Variants in TRIM52 observed in about 807,000 individuals in gnomAD.
TRIM52 encodes the protein E3 ubiquitin-protein ligase TRIM52.
A neutral mutation model predicts 27.0 loss-of-function variants in TRIM52; 24 were observed. The ratio of observed to expected loss-of-function variants is 0.89; its 90% CI spans 0.64 to 1.25. The LOEUF (loss-of-function observed/expected upper bound fraction) is 1.25, where lower values mean the gene tolerates loss of function less well. Ranked by LOEUF, TRIM52 falls within the 50% of genes most tolerant of loss-of-function variation. TRIM52 has a pLI of 0.00. For synonymous variants in TRIM52, 125 were observed against 126.5 expected, an observed-to-expected ratio of 0.99 and a Z score of 0.08; for missense variants, 351 against 354.7, an observed-to-expected ratio of 0.99 and a Z score of 0.08.
In TRIM52 at chr5:181,260,566, C is replaced by T. The variant is rs1458245185; in HGVS notation, c.248G>A (p.Arg83Gln). 6.2e-7 allele frequency: 1 copy of T among 1,614,042 alleles called. No homozygotes were observed. Among genetic ancestry groups the T allele is most frequent in the African/African-American group, 1.3e-5 (1 of 74,984 alleles). ...GAMDGWDGSI[R>Q]EVLYRGNADE... ...AGCATTCCCCCGATACAACACCTCT[C>T]GAATGGAGCCGTCCCATCCATCCAT... The change falls in exon 1 of 2, where the codon CGA becomes CAA. Residue 83 changes from arginine (R) to glutamine (Q), a missense_variant. By Grantham distance (43) the Arg-to-Gln change is conservative. Coordinates refer to ENST00000688015, the MANE Select transcript of TRIM52 (RefSeq NM_001346048.2). This position sits in a 1 kb window ranked among gnomAD's most constrained non-coding sequence, Gnocchi z 4.4.
intron 1 of TRIM52, chr5:181,258,885 A>AATT (rs1450310024): frequency 6.6e-6 from 1 of 152,220 alleles, no homozygotes; most frequent in African/African-American, 2.4e-5. Context: ...GTCAAAAAAC[A>AATT]ATTTGAAAAC....
downstream of TRIM52, among the ~76,000 whole-genome samples, chr5:181,250,193 TAC>T (rs772721602): frequency 1.6e-4 from 24 of 152,110 alleles, no homozygotes; most frequent in Admixed American, 6.5e-5. Context: ...CTTTGGCAGA[TAC>T]AGAGTCAGAG....
downstream of TRIM52, among the ~76,000 whole-genome samples, chr5:181,254,179 A>G (rs1329917763): frequency 7.3e-6 from 1 of 136,434 alleles, no homozygotes; most frequent in Non-Finnish European, 1.5e-5. Flanking sequence ...AGTCCCAGCT[A>G]CTCGGCAGGC....
intron 1 of TRIM52, 114 bp downstream of exon 1, chr5:181,259,887 G>A: frequency 6.4e-7 from 1 of 1,571,026 alleles, no homozygotes; most frequent in Non-Finnish European, 8.6e-7. Context: ...CAAATAAAGA[G>A]AAGTTTAGCA....
chr5:181,250,897 C>T (rs1490679809), downstream of TRIM52, among the ~76,000 whole-genome samples: 1 of 152,194 alleles, frequency 6.6e-6, no homozygotes, highest in Admixed American at 6.5e-5. Context: ...GGATCCTCTC[C>T]AGGCCACCTG....
chr5:181,252,298 A>C (rs1759651204), downstream of TRIM52, among the ~76,000 whole-genome samples: 1 of 152,254 alleles, frequency 6.6e-6, no homozygotes, highest in African/African-American at 2.4e-5. Context: ...TTGGTTGTAC[A>C]GAACTGTGCT....
rs963374455 is a variant in TRIM52, at chr5:181,255,676, A to G, written c.*1133T>C. On this transcript the variant is annotated 3_prime_UTR_variant, in exon 2 of 2. Coordinates refer to ENST00000688015, the MANE Select transcript of TRIM52 (RefSeq NM_001346048.2). ...ATTTTTAGCATTAGTTTGCTCATAC[A>G]TACATTTGCTATATTTTTATGGTTG... The G allele has an allele frequency of 6.6e-6, 1 of 152,336 alleles. No homozygotes were observed. Among genetic ancestry groups the G allele is most frequent in the Middle Eastern group, 3.4e-3 (1 of 294 alleles). 9.4% of individuals were successfully genotyped at this position (152,336 alleles called of 1,614,324 possible).
intron 1 of TRIM52, chr5:181,258,710 A>G (rs538734446): frequency 1.3e-5 from 2 of 151,890 alleles, no homozygotes; most frequent in South Asian, 4.1e-4. Context: ...ACTCAAAGAA[A>G]GCAATATATT....
In TRIM52 at chr5:181,260,301, C is replaced by A. The variant is rs143060535; in HGVS notation, c.513G>T (p.Pro171=). Reference sequence around the variant, plus strand: ...GCCCTGGAAGGGGCAAGGAAGGAGGCGGGTGGATGTCAGGATACAGCTCTT... The same window carrying A: ...GCCCTGGAAGGGGCAAGGAAGGAGGAGGGTGGATGTCAGGATACAGCTCTT... ...EDEELYPDIH[P]PPSLPLPGQF... Residue 171 remains proline, a synonymous_variant, in exon 1 of 2, where the codon CCG becomes CCT. Transcript: ENST00000688015. This position sits in a 1 kb window ranked among gnomAD's most constrained non-coding sequence, Gnocchi z 4.4. 128 of 1,614,116 alleles carry A rather than the reference C, an allele frequency of 7.9e-5. 1 individual carries two copies. In the East Asian group the frequency reaches 1.1e-3, roughly 13 times the overall value.
chr5:181,257,107 G>C (rs1331352903), intron 1 of TRIM52: 20 of 1,053,820 alleles, frequency 1.9e-5, no homozygotes, highest in Non-Finnish European at 2.1e-5. Flanking sequence ...ACACCCGTCT[G>C]CTTCCTAAAA....
At chr5:181,251,938 A>G (rs979785961), downstream of TRIM52, among the ~76,000 whole-genome samples, 18 of 152,210 alleles carry the variant, frequency 1.2e-4, no homozygotes, top group African/African-American at 3.9e-4. Context: ...CCATTTTCAA[A>G]AAGTCAGGCA....
In TRIM52 at chr5:181,259,994, C is replaced by G; in HGVS notation, c.813+7G>C. 1 of 1,613,524 alleles carries G rather than the reference C, an allele frequency of 6.2e-7. No homozygotes were observed. Among genetic ancestry groups the G allele is most frequent in the Non-Finnish European group, 8.5e-7 (1 of 1,180,028 alleles). On this transcript the variant is annotated splice_region_variant and intron_variant, in intron 1 of 1. Transcript: ENST00000688015. ...TTCATCCCCCCACATTCCCTCATTT[C>G]TCTCACCTGGTACTCCTGCACCACC...
At chr5:181,249,605 G>A (rs1170564350), downstream of TRIM52, among the ~76,000 whole-genome samples, 3 of 151,876 alleles carry the variant, frequency 2.0e-5, no homozygotes, top group African/African-American at 7.3e-5. Context: ...GAGCCCAGAA[G>A]TTGGAGGCCG....
At chr5:181,259,973 T>TC (rs747809027) in intron 1 of TRIM52, 28 bp downstream of exon 1, 36 of 1,612,530 alleles carry the variant, frequency 2.2e-5, no homozygotes, top group African/African-American at 4.0e-5. Flanking sequence ...ACTCCCTTCA[T>TC]CCCCCCACAT....
At position 181,261,090 on chromosome 5, in the gene TRIM52, T is replaced by G; in HGVS notation, c.-277A>C. On this transcript the variant is annotated 5_prime_UTR_variant, in exon 1 of 2. Transcript: ENST00000688015. ...CTCTCGCTACCCTCAGGGTGTGCCC[T>G]ACACTGCGGCGTCCGCCTCAGATGC... 2.5e-6 allele frequency: 1 copy of G among 398,638 alleles called. No homozygotes were observed. The allele number at this position is 398,638 out of a possible 1,614,324, so 24.7% of individuals were successfully genotyped here. A position where few individuals can be genotyped will look rare whatever the true frequency, so the allele number is the denominator to read the frequency against.
chr5:181,250,260 G>T (rs1251168512), downstream of TRIM52, among the ~76,000 whole-genome samples: 1 of 152,128 alleles, frequency 6.6e-6, no homozygotes, highest in African/African-American at 2.4e-5. Flanking sequence ...GGATGGCCGG[G>T]CGCGGTGGTT....
downstream of TRIM52, among the ~76,000 whole-genome samples, chr5:181,253,649 C>G (rs1384805435): frequency 7.0e-6 from 1 of 142,312 alleles, no homozygotes; most frequent in Admixed American, 6.8e-5. Flanking sequence ...GGACAGCTGC[C>G]CACAACAAAG....
chr5:181,257,350 G>A, intron 1 of TRIM52: 1 of 1,501,798 alleles, frequency 6.7e-7, no homozygotes. Flanking sequence ...AATAGAAATA[G>A]CTATATAAAT....
intron 1 of TRIM52, chr5:181,257,274 T>C: frequency 7.7e-7 from 1 of 1,298,594 alleles, no homozygotes; most frequent in Non-Finnish European, 9.8e-7. Context: ...AAAAAGCCTC[T>C]TCTTACAGAA....
Sources: gnomAD v4.1 joint callset for allele counts (sites outside exome capture counted in the v4.1 genomes callset) on GRCh38, gnomAD v4.1.1 for gene constraint, Gnocchi (gnomAD v3.1) non-coding constraint, MANE v1.5 for transcripts, NCBI Gene and HGNC (gene_info 2026-07-23, HGNC 2026-07-21) for gene names.